The following GRID1 variants were observed in gnomAD, a reference collection of about 807,000 sequenced individuals.
The protein encoded by GRID1 is glutamate receptor ionotropic, delta-1.
A neutral mutation model predicts 98.0 loss-of-function variants in GRID1; 28 were observed. The observed-to-expected ratio is 0.29, with a 90% CI of 0.21 to 0.39. The LOEUF is 0.39. GRID1 is among the 10% of genes least tolerant of loss of function. The pLI is 1.00. For synonymous variants in GRID1, 553 were observed against 538.5 expected (o/e 1.03, Z -0.37); for missense variants, 1,111 against 1,340.5 (o/e 0.83, Z 2.67).
At chr10:86,208,059 T>A (rs1413995066) in intron 2 of GRID1, among the ~76,000 whole-genome samples, 1 of 151,970 alleles carries the variant, frequency 6.6e-6, no homozygotes, top group East Asian at 1.9e-4. Context: ...ATGCCTCAGA[T>A]AAGGCTGGGA....
At chr10:86,334,630 A>G (rs2132105261) in intron 2 of GRID1, among the ~76,000 whole-genome samples, 1 of 152,324 alleles carries the variant, frequency 6.6e-6, no homozygotes, top group South Asian at 2.1e-4. Flanking sequence ...CTCATCCTTC[A>G]AAACCCAATT....
intron 4 of GRID1, among the ~76,000 whole-genome samples, chr10:85,919,622 C>T (rs1010668155): frequency 1.3e-5 from 2 of 152,230 alleles, no homozygotes; most frequent in Non-Finnish European, 2.9e-5. Flanking sequence ...ACCATTAATT[C>T]CCCTTCTAAG....
At chr10:85,641,883 G>A (rs1843125768) in intron 13 of GRID1, among the ~76,000 whole-genome samples, 1 of 152,174 alleles carries the variant, frequency 6.6e-6, no homozygotes, top group Non-Finnish European at 1.5e-5. Context: ...ACGGTGCAGA[G>A]CTGGATGATG....
chr10:85,912,664 A>G (rs533742811), intron 5 of GRID1, among the ~76,000 whole-genome samples: 15 of 152,326 alleles, frequency 9.8e-5, no homozygotes, highest in Non-Finnish European at 2.1e-4. Context: ...CACAGACCTG[A>G]GCTTGTTTGA....
intron 6 of GRID1, among the ~76,000 whole-genome samples, chr10:85,864,278 G>A (rs1227873597): frequency 6.6e-6 from 1 of 152,134 alleles, no homozygotes; most frequent in African/African-American, 2.4e-5. Flanking sequence ...CAGTCCAGCT[G>A]TCCTGGGAGA....
Position 86,038,633 on chromosome 10 carries a change from G to A in GRID1, c.726+100186C>T, listed in dbSNP as rs114643081. On this transcript the variant is annotated intron_variant, in intron 4 of 15. Transcript: ENST00000327946. The stretch of plus-strand genomic sequence containing the variant: ...ATCAAGCTCCAGGCCCCTTTGCACT[G>A]TGTTCAGACACACATGGCCAACATT... Among the ~76,000 whole-genome samples the A allele has an allele frequency of 4.3e-3, 654 of 152,316 alleles. 8 individuals are homozygous for A. The highest frequency in any genetic ancestry group is 0.015 in the African/African-American group (626 of 41,552).
chr10:86,145,384 G>A (rs1189936023), intron 3 of GRID1, among the ~76,000 whole-genome samples: 3 of 152,054 alleles, frequency 2.0e-5, no homozygotes, highest in African/African-American at 2.4e-5. Context: ...CACCACGCCC[G>A]GCTCATTTTT....
At chr10:85,826,689 A>C (rs1181344617) in intron 8 of GRID1, among the ~76,000 whole-genome samples, 1 of 152,104 alleles carries the variant, frequency 6.6e-6, no homozygotes, top group East Asian at 1.9e-4. Context: ...TCCTGCTGCC[A>C]CCATTTAAAT....
intron 2 of GRID1, among the ~76,000 whole-genome samples, chr10:86,259,172 C>CA (rs754984507): frequency 1.2e-4 from 19 of 152,246 alleles, no homozygotes; most frequent in Admixed American, 2.6e-4. Context: ...GCTATAAGAA[C>CA]ATGAAGCTGT....
At chr10:86,212,775 C>T (rs529879424) in intron 2 of GRID1, among the ~76,000 whole-genome samples, 51 of 152,294 alleles carry the variant, frequency 3.3e-4, no homozygotes, top group African/African-American at 1.2e-3. Flanking sequence ...TTTATAAATA[C>T]TTTAGAGCTG....
intron 8 of GRID1, among the ~76,000 whole-genome samples, chr10:85,816,754 G>A (rs1050142938): frequency 6.6e-6 from 1 of 152,020 alleles, no homozygotes; most frequent in Non-Finnish European, 1.5e-5. Flanking sequence ...TTGTTATATA[G>A]GTAAACTGTG....
intron 5 of GRID1, among the ~76,000 whole-genome samples, chr10:85,873,481 A>G (rs1468811704): frequency 6.6e-6 from 1 of 152,242 alleles, no homozygotes; most frequent in Admixed American, 6.5e-5. Flanking sequence ...ATTGTGAAAT[A>G]TATCTTATGT....
intron 4 of GRID1, among the ~76,000 whole-genome samples, chr10:86,100,158 T>G (rs113597468): frequency 2.0e-3 from 300 of 152,240 alleles, no homozygotes; most frequent in African/African-American, 6.8e-3. Flanking sequence ...GAAGCCAAAC[T>G]TAAAGCAGAT....
At chr10:86,250,577 G>A (rs1185605475) in intron 2 of GRID1, among the ~76,000 whole-genome samples, 9 of 151,006 alleles carry the variant, frequency 6.0e-5, no homozygotes, top group African/African-American at 1.7e-4. Flanking sequence ...GCCCCCGCCC[G>A]GCCAGCTGCC....
chr10:86,085,559 G>A (rs1394260991), intron 4 of GRID1, among the ~76,000 whole-genome samples: 1 of 152,122 alleles, frequency 6.6e-6, no homozygotes, highest in Non-Finnish European at 1.5e-5. Context: ...TACCCTCAAA[G>A]GTAACCTCCT....
chr10:86,353,272 A>G (rs1236645378), intron 2 of GRID1, among the ~76,000 whole-genome samples: 1 of 152,148 alleles, frequency 6.6e-6, no homozygotes, highest in Non-Finnish European at 1.5e-5. Flanking sequence ...TGAGGATGCC[A>G]CCTCCCAACT....
At chr10:86,073,325 G>T (rs924221233) in intron 4 of GRID1, among the ~76,000 whole-genome samples, 3 of 152,210 alleles carry the variant, frequency 2.0e-5, no homozygotes, top group African/African-American at 7.2e-5. Context: ...GCTCTGTGCA[G>T]CAGGGGGACT....
chr10:85,948,082 A>G (rs1189324994), intron 4 of GRID1, among the ~76,000 whole-genome samples: 1 of 152,228 alleles, frequency 6.6e-6, no homozygotes, highest in African/African-American at 2.4e-5. Flanking sequence ...ATTAGTAGAA[A>G]AACTAGTGAA....
At chr10:86,174,171 C>G (rs1209193370) in intron 3 of GRID1, among the ~76,000 whole-genome samples, 4 of 152,162 alleles carry the variant, frequency 2.6e-5, no homozygotes, top group Admixed American at 2.6e-4. Context: ...CAAAAAAGAG[C>G]CTGCATCGCC....
Sources: allele counts gnomAD v4.1 joint callset (sites outside exome capture counted in the v4.1 genomes callset), GRCh38; gene constraint gnomAD v4.1.1; transcripts MANE v1.5; gene names NCBI Gene and HGNC (gene_info 2026-07-23, HGNC 2026-07-21).